The following PRKG1 variants were observed in gnomAD, a reference collection of about 807,000 sequenced individuals.
The protein encoded by PRKG1 is protein kinase cGMP-dependent 1.
In PRKG1, 35 loss-of-function variants were observed where a neutral mutation model predicts 88.1. The ratio of observed to expected loss-of-function variants is 0.40; its 90% confidence interval spans 0.30 to 0.53. The LOEUF (loss-of-function observed/expected upper bound fraction) is 0.53. Among genes scored for constraint, PRKG1 ranks in the 20% least tolerant of loss-of-function variants. The pLI is 0.59. For synonymous variants in PRKG1, 303 were observed against 292.5 expected, an observed-to-expected ratio of 1.04 and a Z score of -0.37; for missense variants, 540 against 839.8, an observed-to-expected ratio of 0.64 and a Z score of 4.41.
chr10:51,975,273 C>G (rs1174685722), intron 5 of PRKG1, among the ~76,000 whole-genome samples: 1 of 151,998 alleles, frequency 6.6e-6, no homozygotes, highest in Non-Finnish European at 1.5e-5. Context: ...GTCTGAGTCT[C>G]TCGTGTAGAC....
intron 1 of PRKG1, among the ~76,000 whole-genome samples, chr10:51,031,778 G>A (rs1296175877): frequency 2.0e-5 from 3 of 152,120 alleles, no homozygotes; most frequent in East Asian, 1.9e-4. Context: ...TCTTGTTCAC[G>A]CAGGATTATA....
At chr10:51,695,720 A>G (rs775971684) in intron 3 of PRKG1, 1 of 152,230 alleles carries the variant, frequency 6.6e-6, no homozygotes, top group Non-Finnish European at 1.5e-5. Context: ...ATGGGAAAGT[A>G]GCAGTATGAA....
rs1039741046 is a variant in PRKG1 at position 51,536,612 on chromosome 10, G to A, written c.592+68776G>A. Among the ~76,000 whole-genome samples, 5 of 152,028 alleles carry A rather than the reference G, an allele frequency of 3.3e-5. No homozygotes were observed. The South Asian group carries it at 1.0e-3, about 32-fold the overall frequency. On this transcript the variant is annotated intron_variant, in intron 3 of 17. Coordinates refer to ENST00000373980, the MANE Select transcript of PRKG1 (RefSeq NM_006258.4). ...ATTTTGTCATAAATTATTTGCCAAG[G>A]CTGATGTCCAGAATGGTACTTCCTA...
chr10:51,950,267 T>A (rs1168825120), intron 5 of PRKG1, among the ~76,000 whole-genome samples: 2 of 152,232 alleles, frequency 1.3e-5, no homozygotes, highest in Non-Finnish European at 2.9e-5. Flanking sequence ...CTGCAAAATA[T>A]TTCTTCTTGA....
chr10:51,599,262 T>TA (rs1419270479), intron 3 of PRKG1, among the ~76,000 whole-genome samples: 2 of 152,272 alleles, frequency 1.3e-5, no homozygotes, highest in East Asian at 3.9e-4. Flanking sequence ...GGTTGGGTGT[T>TA]ACTCATGTCT....
intron 3 of PRKG1, among the ~76,000 whole-genome samples, chr10:51,602,914 C>T (rs1838655307): frequency 1.3e-5 from 2 of 151,768 alleles, no homozygotes; most frequent in African/African-American, 2.4e-5. Flanking sequence ...ACCCCCTCCC[C>T]CCAAAAAATT....
intron 4 of PRKG1, among the ~76,000 whole-genome samples, chr10:51,809,485 T>G (rs1839396225): frequency 6.6e-6 from 1 of 152,196 alleles, no homozygotes; most frequent in Non-Finnish European, 1.5e-5. Context: ...CTGAGCATAT[T>G]CTCTGTTACT....
chr10:51,565,414 G>A (rs1837573610), intron 3 of PRKG1, among the ~76,000 whole-genome samples: 3 of 151,954 alleles, frequency 2.0e-5, no homozygotes, highest in Non-Finnish European at 4.4e-5. Flanking sequence ...GAGAATGAGT[G>A]GCAGTGTTTT....
chr10:50,991,307 C>G lies in PRKG1; in HGVS notation c.-72C>G. 2 of 1,302,998 alleles carry G rather than the reference C, an allele frequency of 1.5e-6. No individual in the cohort carries two copies. The highest frequency in any genetic ancestry group is 2.3e-4 in the Middle Eastern group (1 of 4,358). 80.7% of individuals were successfully genotyped at this position (1,302,998 alleles called of 1,614,324 possible). On this transcript the variant is annotated 5_prime_UTR_variant, in exon 1 of 18. Coordinates refer to the PRKG1 transcript ENST00000401604. The surrounding 1 kb of genome is among the most constrained non-coding windows in gnomAD (Gnocchi z 4.5). ...CGCGCTCTCCGCTGCCGGCTGCCGT[C>G]CCAGCCGCCGCCGCCGCCGCCGCCG...
intron 3 of PRKG1, among the ~76,000 whole-genome samples, chr10:51,701,622 AT>A (rs1841469364): frequency 6.6e-6 from 1 of 152,056 alleles, no homozygotes; most frequent in Non-Finnish European, 1.5e-5. Context: ...AGACAAATCT[AT>A]TTTTCTTCCT....
At chr10:52,081,445 G>A (rs1005538382) in intron 7 of PRKG1, among the ~76,000 whole-genome samples, 2 of 152,108 alleles carry the variant, frequency 1.3e-5, no homozygotes, top group Non-Finnish European at 2.9e-5. Flanking sequence ...CCTGATAAAT[G>A]TTAGTTACTA....
chr10:51,018,350 G>A (rs1288379570), intron 1 of PRKG1, among the ~76,000 whole-genome samples: 1 of 151,828 alleles, frequency 6.6e-6, no homozygotes, highest in Non-Finnish European at 1.5e-5. Flanking sequence ...TTTTATATTT[G>A]TTCTTCTGTA....
chr10:51,856,447 A>G lies in PRKG1; in HGVS notation c.699-51060A>G, dbSNP rs1206431292. Among the ~76,000 whole-genome samples the G allele has an allele frequency of 2.6e-5, 4 of 152,324 alleles. No individual in the cohort carries two copies. In the East Asian group the frequency reaches 7.7e-4, roughly 29 times the overall value. On this transcript the variant is annotated intron_variant, in intron 4 of 17. Transcript: ENST00000373980. ...GTTTGCTAATTTTGCATGGGAAGCC[A>G]TAGAGTTAGCAGTTCATTGGGCTGC... is the stretch of plus-strand genomic sequence containing the variant.
At chr10:51,731,302 A>C (rs1312119990) in intron 3 of PRKG1, among the ~76,000 whole-genome samples, 4 of 152,146 alleles carry the variant, frequency 2.6e-5, no homozygotes, top group Non-Finnish European at 4.4e-5. Context: ...TTTGGGAATA[A>C]AGTTTTTATT....
At chr10:51,108,170 C>G (rs1286670556) in intron 1 of PRKG1, among the ~76,000 whole-genome samples, 1 of 151,982 alleles carries the variant, frequency 6.6e-6, no homozygotes, top group Non-Finnish European at 1.5e-5. Context: ...TTCTACAAAA[C>G]ATTCAAAGAA....
In PRKG1 at chr10:51,288,907, C is replaced by G. The variant is rs1216395966; in HGVS notation, c.478+135577C>G. Among the ~76,000 whole-genome samples, 4 of 152,032 alleles carry G rather than the reference C, an allele frequency of 2.6e-5. No homozygotes were observed. The East Asian group carries it at 7.7e-4, about 29-fold the overall frequency. ...CTAATTTCTGGGGTGTTTCTATATT[C>G]ATGTGTTGCATGCATGATTATGTAT... On this transcript the variant is annotated intron_variant, in intron 2 of 17. Transcript: ENST00000373980.
At chr10:51,109,279 G>T (rs1844921315) in intron 1 of PRKG1, among the ~76,000 whole-genome samples, 1 of 151,950 alleles carries the variant, frequency 6.6e-6, no homozygotes, top group Admixed American at 6.6e-5. Context: ...ACCAAAAAAT[G>T]TTTAAAAAGA....
At chr10:51,946,951 A>C (rs1223887649) in intron 5 of PRKG1, among the ~76,000 whole-genome samples, 5 of 152,074 alleles carry the variant, frequency 3.3e-5, no homozygotes, top group African/African-American at 9.7e-5. Flanking sequence ...CTGTTCTCAG[A>C]TCTCCAGCTG....
In PRKG1 at chr10:51,344,806, G is replaced by A. The variant is rs909716369; in HGVS notation, c.479-122917G>A. Among the ~76,000 whole-genome samples, 11 of 152,094 alleles carry A rather than the reference G, an allele frequency of 7.2e-5. No individual in the cohort carries two copies. In the South Asian group the frequency reaches 8.3e-4, roughly 11 times the overall value. On this transcript the variant is annotated intron_variant, in intron 2 of 17. Transcript: ENST00000373980. ...AAAATTCTCAATATGAACAATGTAC[G>A]ATAAAATGCTAAATTAACAAGTCAA...
Sources: allele counts gnomAD v4.1 joint callset (sites outside exome capture counted in the v4.1 genomes callset), GRCh38; gene constraint gnomAD v4.1.1; non-coding constraint Gnocchi (gnomAD v3.1); transcripts MANE v1.5; gene names NCBI Gene and HGNC (gene_info 2026-07-23, HGNC 2026-07-21).